Variants in RYR2 observed in about 807,000 individuals in gnomAD.
RYR2 encodes the protein ryanodine receptor 2, also known as cardiac muscle ryanodine receptor-calcium release channel.
RYR2 carries 227 observed loss-of-function variants against 601.1 expected under a neutral mutation model. The observed-to-expected ratio is 0.38, with a 90% confidence interval of 0.34 to 0.42. The LOEUF (loss-of-function observed/expected upper bound fraction) is 0.42. RYR2 is among the 10% of genes least tolerant of loss of function. The pLI, the probability that RYR2 is intolerant of heterozygous loss-of-function variation, is 1.00. For synonymous variants in RYR2, 2,223 were observed against 2,175.1 expected (o/e 1.02, Z -0.61); for missense variants, 4,646 against 6,156.5 (o/e 0.75, Z 8.21).
rs190088388 is a variant in RYR2 at position 237,646,068 on chromosome 1, G to A, written c.7343-2376G>A. ...ATTCTTTTGTATTTTTCGTAGACAC[G>A]GGGTTTCACCATGTTAGCCAGGATG... On this transcript the variant is annotated intron_variant, in intron 48 of 104. Transcript: ENST00000366574. Among the ~76,000 whole-genome samples the A allele has an allele frequency of 5.1e-3, 780 of 152,074 alleles. 7 individuals are homozygous for A. Among genetic ancestry groups the A allele is most frequent in the Non-Finnish European group, 7.8e-3 (527 of 67,986 alleles).
At chr1:237,712,807 ATTTTAAAGGGGC>A (rs1688954991) in intron 71 of RYR2, among the ~76,000 whole-genome samples, 2 of 152,136 alleles carry the variant, frequency 1.3e-5, no homozygotes, top group African/African-American at 4.8e-5. Flanking sequence ...CATTTAAAGC[ATTTTAAAGGGGC>A]TTTATATGTT....
chr1:237,705,906 A>G (rs1184772948), intron 67 of RYR2, among the ~76,000 whole-genome samples: 1 of 152,210 alleles, frequency 6.6e-6, no homozygotes, highest in African/African-American at 2.4e-5. Flanking sequence ...CATGCAAACC[A>G]AAAAAGAGAA....
chr1:237,167,122 T>C (rs1487307422), intron 1 of RYR2, among the ~76,000 whole-genome samples: 1 of 152,244 alleles, frequency 6.6e-6, no homozygotes, highest in East Asian at 1.9e-4. Flanking sequence ...TTGTTGAATA[T>C]TTGATGAAAC....
intron 22 of RYR2, among the ~76,000 whole-genome samples, chr1:237,505,974 G>T (rs998789830): frequency 6.6e-5 from 10 of 152,158 alleles, no homozygotes; most frequent in African/African-American, 2.4e-4. Context: ...TCAATCACTA[G>T]TCAGACATTT....
intron 72 of RYR2, among the ~76,000 whole-genome samples, chr1:237,717,695 G>A (rs1055262360): frequency 1.3e-5 from 2 of 152,120 alleles, no homozygotes; most frequent in Admixed American, 1.3e-4. Context: ...AATTTATGAA[G>A]GGTGATTTTT....
At chr1:237,071,312 C>G (rs1451364269) in intron 1 of RYR2, among the ~76,000 whole-genome samples, 2 of 152,060 alleles carry the variant, frequency 1.3e-5, no homozygotes, top group Non-Finnish European at 2.9e-5. Flanking sequence ...CAACCTCTGC[C>G]TCCTGGATTC....
intron 33 of RYR2, among the ~76,000 whole-genome samples, chr1:237,594,792 T>C (rs1442012317): frequency 1.3e-5 from 2 of 151,158 alleles, no homozygotes; most frequent in Admixed American, 1.3e-4. Flanking sequence ...AAGAGAATGC[T>C]GATAAGGCTC....
chr1:237,053,611 C>T (rs1661561488), intron 1 of RYR2, among the ~76,000 whole-genome samples: 1 of 152,238 alleles, frequency 6.6e-6, no homozygotes, highest in East Asian at 1.9e-4. Flanking sequence ...GGTCTCTTCT[C>T]CTTCATTCTG....
chr1:237,319,919 G>A (rs1213282203), intron 2 of RYR2, among the ~76,000 whole-genome samples: 2 of 152,126 alleles, frequency 1.3e-5, no homozygotes, highest in African/African-American at 2.4e-5. Context: ...AGTGTGCATG[G>A]CATCTGCTCC....
chr1:237,043,253 C>T (rs1660149359), intron 1 of RYR2, among the ~76,000 whole-genome samples: 2 of 152,084 alleles, frequency 1.3e-5, no homozygotes, highest in Admixed American at 1.3e-4. Flanking sequence ...GCTGTGACCG[C>T]TTGCAAAGCG....
rs377501492 is a variant in RYR2 at position 237,812,985 on chromosome 1, G to C, written c.14433+3950G>C. Among the ~76,000 whole-genome samples, 7 of 151,554 alleles carry C rather than the reference G, an allele frequency of 4.6e-5. No homozygotes were observed. The East Asian group carries it at 1.4e-3, about 29-fold the overall frequency. ...CGTTACTAGTGACGACTCTCCATCA[G>C]AGTCACTAACATGCAACACTTTACC... is the stretch of plus-strand genomic sequence containing the variant. On this transcript the variant is annotated intron_variant, in intron 100 of 104. Transcript: ENST00000366574.
intron 1 of RYR2, among the ~76,000 whole-genome samples, chr1:237,214,204 A>G (rs897747955): frequency 6.6e-6 from 1 of 152,002 alleles, no homozygotes; most frequent in African/African-American, 2.4e-5. Flanking sequence ...TACAGGCATG[A>G]GCCATTGTGT....
At chr1:237,696,159 G>A (rs1461291253) in intron 63 of RYR2, among the ~76,000 whole-genome samples, 1 of 152,104 alleles carries the variant, frequency 6.6e-6, no homozygotes, top group Non-Finnish European at 1.5e-5. Flanking sequence ...TCATGGAAAA[G>A]GGCACAGGAA....
rs1198024995 is a variant in RYR2, at chr1:237,106,650, G to C, written c.48+64081G>C. ...CTTGAAAAAATGGATTTCTCAGTGTGATGTGTATACAGTGTCCCTTTTTCA... is the reference window on the plus strand; with the variant it reads ...CTTGAAAAAATGGATTTCTCAGTGTCATGTGTATACAGTGTCCCTTTTTCA... On this transcript the variant is annotated intron_variant, in intron 1 of 104. Transcript: ENST00000366574. This position sits in a 1 kb window ranked among gnomAD's most constrained non-coding sequence, Gnocchi z 4.4. Among the ~76,000 whole-genome samples the C allele has an allele frequency of 6.6e-6, 1 of 152,230 alleles. No homozygotes were observed. Among genetic ancestry groups the C allele is most frequent in the Non-Finnish European group, 1.5e-5 (1 of 68,044 alleles).
intron 1 of RYR2, among the ~76,000 whole-genome samples, chr1:237,094,173 T>G (rs1380656589): frequency 6.6e-6 from 1 of 152,210 alleles, no homozygotes; most frequent in Non-Finnish European, 1.5e-5. Context: ...GGAAGTCAAA[T>G]GAAACAGGAA....
At chr1:237,661,016 A>G (rs564084289) in intron 56 of RYR2, 69 bp downstream of exon 56, 129 of 1,232,524 alleles carry the variant, frequency 1.0e-4, no homozygotes, top group Non-Finnish European at 1.3e-4. Context: ...AAATTTAATT[A>G]TTGAGTTTTT....
chr1:237,193,613 C>CTGCTTTTT (rs1680250603), intron 1 of RYR2, among the ~76,000 whole-genome samples: 1 of 152,146 alleles, frequency 6.6e-6, no homozygotes, highest in Non-Finnish European at 1.5e-5. Flanking sequence ...GCATTGAATA[C>CTGCTTTTT]TGCTTTTTTT....
At chr1:237,429,814 GA>G (rs539229914) in intron 12 of RYR2, among the ~76,000 whole-genome samples, 204 of 152,146 alleles carry the variant, frequency 1.3e-3, no homozygotes, top group African/African-American at 4.4e-3. Context: ...TACTGTCTTA[GA>G]AAAATAAAGT....
intron 79 of RYR2, among the ~76,000 whole-genome samples, chr1:237,735,235 T>C (rs1048256732): frequency 6.6e-6 from 1 of 152,138 alleles, no homozygotes; most frequent in African/African-American, 2.4e-5. Context: ...GGGGACATGC[T>C]GTAGTGTGAG....
Sources: allele counts gnomAD v4.1 joint callset (sites outside exome capture counted in the v4.1 genomes callset), GRCh38; gene constraint gnomAD v4.1.1; non-coding constraint Gnocchi (gnomAD v3.1); transcripts MANE v1.5; gene names NCBI Gene and HGNC (gene_info 2026-07-23, HGNC 2026-07-21).